The following KANK4 variants were observed in gnomAD, a reference collection of about 807,000 sequenced individuals.
The protein encoded by KANK4 is KN motif and ankyrin repeat domains 4, also known as KN motif and ankyrin repeat domain-containing protein 4.
In KANK4, 50 loss-of-function variants were observed where a neutral mutation model predicts 80.8. The observed-to-expected ratio is 0.62, with a 90% CI of 0.49 to 0.78. The LOEUF is 0.78. Ranked by LOEUF, KANK4 falls within the 30% of genes least tolerant of loss-of-function variation. The pLI, the probability that KANK4 is intolerant of heterozygous loss-of-function variation, is 0.00. For synonymous variants in KANK4, 465 were observed against 506.9 expected, an observed-to-expected ratio of 0.92 and a Z score of 1.11; for missense variants, 1,196 against 1,240.1, an observed-to-expected ratio of 0.96 and a Z score of 0.53.
chr1:62,304,622 C>A (rs1644436767), intron 1 of KANK4, among the ~76,000 whole-genome samples: 1 of 152,120 alleles, frequency 6.6e-6, no homozygotes, highest in African/African-American at 2.4e-5. Context: ...CGCTTGCTCC[C>A]ACCAGTCTCT....
At position 62,236,843 on chromosome 1, in the gene KANK4, G is replaced by T. The variant is rs967096152; in HGVS notation, c.*1434C>A. On this transcript the variant is annotated 3_prime_UTR_variant, in exon 10 of 10. Coordinates refer to ENST00000371153, the MANE Select transcript of KANK4 (RefSeq NM_181712.5). Reference sequence around the variant, plus strand: ...ACTCCCGACCTCAGGTGATCCACCTGCCTCGGCCTCCCAAAGTGCTGGGAT... The same window carrying T: ...ACTCCCGACCTCAGGTGATCCACCTTCCTCGGCCTCCCAAAGTGCTGGGAT... 3 of 152,052 alleles carry T rather than the reference G, an allele frequency of 2.0e-5. No homozygotes were observed. Among genetic ancestry groups the T allele is most frequent in the African/African-American group, 7.2e-5 (3 of 41,400 alleles). 9.4% of individuals were successfully genotyped at this position (152,052 alleles called of 1,614,324 possible). A position where few individuals can be genotyped will look rare whatever the true frequency, so the allele number is the denominator to read the frequency against.
rs746937139 is a variant in KANK4 at position 62,273,196 on chromosome 1, G to T, written c.1900+8C>A. The T allele has an allele frequency of 6.6e-7, 1 of 1,504,830 alleles. No homozygotes were observed. Among genetic ancestry groups the T allele is most frequent in the Non-Finnish European group, 8.9e-7 (1 of 1,125,350 alleles). The allele number at this position is 1,504,830 out of a possible 1,614,324, so 93.2% of individuals were successfully genotyped here. Reference sequence around the variant, plus strand: ...CCTGTCTCAGGCCCCTATATTGATGGTATTTACCCACTGGCGGGGAGGAGG... The same window carrying T: ...CCTGTCTCAGGCCCCTATATTGATGTTATTTACCCACTGGCGGGGAGGAGG... On this transcript the variant is annotated splice_region_variant and intron_variant, in intron 3 of 9. Transcript: ENST00000371153.
At position 62,274,520 on chromosome 1, in the gene KANK4, C is replaced by A. The variant is rs760659966; in HGVS notation, c.584G>T (p.Gly195Val). Reference sequence around the variant, plus strand: ...GGTGCCATCACAGACACTGCCTTCACCCTGAAGGGGAGGGAGGGCAGGAGG... The same window carrying A: ...GGTGCCATCACAGACACTGCCTTCAACCTGAAGGGGAGGGAGGGCAGGAGG... ...PAPPALPPLQGEGSVCDGTFE... is the reference protein window; with the variant it reads ...PAPPALPPLQVEGSVCDGTFE... The change falls in exon 3 of 10, where the codon GGT (glycine) becomes GTT (valine). Residue 195 changes from glycine (G) to valine (V), a missense_variant. Around this residue, in one of 3 missense-constraint regions of KANK4, gnomAD observed 1,154 missense variants for 1,179.6 expected, o/e 0.98. Transcript: ENST00000371153. 1.2e-5 allele frequency: 20 copies of A among 1,614,074 alleles called. No homozygotes were observed. The highest frequency in any genetic ancestry group is 1.3e-5 in the African/African-American group (1 of 74,938).
chr1:62,270,001 A>G (rs1672122036), intron 4 of KANK4, among the ~76,000 whole-genome samples: 1 of 152,182 alleles, frequency 6.6e-6, no homozygotes, highest in East Asian at 1.9e-4. Context: ...CCAGCGTGCA[A>G]CCAAGGCTGA....
intron 9 of KANK4, among the ~76,000 whole-genome samples, chr1:62,243,114 G>A (rs970919428): frequency 2.2e-4 from 33 of 152,072 alleles, no homozygotes; most frequent in African/African-American, 7.2e-4. Context: ...ACTTACTCCA[G>A]TTTCTGCCAT....
rs1672078616 is a variant in KANK4, at chr1:62,268,403, C to A, written c.2115G>T (p.Lys705Asn). ...AEKKCDGPDH[K>N]HVKDAHLTCE... The stretch of plus-strand genomic sequence containing the variant: ...AGGTGAGATGGGCATCTTTGACATG[C>A]TTGTGATCTGGGCCGTCACACTTCT... The change falls in exon 5 of 10, where the codon AAG (lysine) becomes AAT (asparagine). Residue 705 changes from lysine to asparagine, a missense_variant. Coordinates refer to ENST00000371153, the MANE Select transcript of KANK4 (RefSeq NM_181712.5). 1.2e-6 allele frequency: 2 copies of A among 1,614,048 alleles called. No individual in the cohort carries two copies. Among genetic ancestry groups the A allele is most frequent in the African/African-American group, 2.7e-5 (2 of 75,052 alleles).
intron 3 of KANK4, 39 bp from the exon 4 acceptor site, chr1:62,271,628 G>A: frequency 6.9e-7 from 1 of 1,452,674 alleles, no homozygotes; most frequent in Non-Finnish European, 9.7e-7. Flanking sequence ...ATGATCTTGG[G>A]GATGCATGGG....
rs1184771754 is a variant in KANK4 at position 62,268,509 on chromosome 1, G to A, written c.2013-4C>T. On this transcript the variant is annotated splice_polypyrimidine_tract_variant and splice_region_variant and intron_variant, in intron 4 of 9. Coordinates refer to ENST00000371153, the MANE Select transcript of KANK4 (RefSeq NM_181712.5). ...CTCACTTGAGGTGGTCTCATACCTG[G>A]GGTAGAAAACAAAGGTCACTCGTCC... The A allele has an allele frequency of 3.7e-6, 6 of 1,612,136 alleles. No individual in the cohort carries two copies. In the Admixed American group the frequency reaches 1.0e-4, roughly 27 times the overall value.
At position 62,268,503 on chromosome 1, in the gene KANK4, T is replaced by C. The variant is rs1201581300; in HGVS notation, c.2015A>G (p.Tyr672Cys). ...GGTCTCCTCACTTGAGGTGGTCTCATACCTGGGGTAGAAAACAAAGGTCAC... is the reference window on the plus strand; with the variant it reads ...GGTCTCCTCACTTGAGGTGGTCTCACACCTGGGGTAGAAAACAAAGGTCAC... ...NLQFVGVNGG[Y>C]ETTSSEETSG... Residue 672 changes from tyrosine (Y) to cysteine (C), a missense_variant and splice_region_variant, in exon 5 of 10, where the codon TAT becomes TGT. By Grantham distance (194) the Tyr-to-Cys change is radical (BLOSUM62 -2). Coordinates refer to ENST00000371153, the MANE Select transcript of KANK4 (RefSeq NM_181712.5). 6.2e-7 allele frequency: 1 copy of C among 1,613,080 alleles called. No homozygotes were observed.
At chr1:62,312,224 A>G (rs1414293022) in intron 1 of KANK4, among the ~76,000 whole-genome samples, 1 of 152,252 alleles carries the variant, frequency 6.6e-6, no homozygotes, top group African/African-American at 2.4e-5. Context: ...TAACTACTAT[A>G]AATACAAAGC....
chr1:62,263,546 C>T (rs1671945135), intron 6 of KANK4: 3 of 501,064 alleles, frequency 6.0e-6, no homozygotes, highest in South Asian at 5.0e-5. Flanking sequence ...AGCCTAGTAA[C>T]CAGTAACAAG....
rs749730907 is a variant in KANK4 at position 62,247,687 on chromosome 1, A to T, written c.2683-15T>A. On this transcript the variant is annotated splice_polypyrimidine_tract_variant and intron_variant, in intron 8 of 9. Coordinates refer to ENST00000371153, the MANE Select transcript of KANK4 (RefSeq NM_181712.5). ...GTCTGGCCTCCCTGCATGCAGAGCC[A>T]CAGGGATGTGGTGAGGTTGCTGCCA... 27 of 1,610,508 alleles carry T rather than the reference A, an allele frequency of 1.7e-5. No individual in the cohort carries two copies. The East Asian group carries it at 5.8e-4, about 35-fold the overall frequency.
chr1:62,294,938 T>G (rs2149162694), intron 1 of KANK4, among the ~76,000 whole-genome samples: 1 of 152,320 alleles, frequency 6.6e-6, no homozygotes, highest in East Asian at 1.9e-4. Context: ...CATCCGGTAA[T>G]ACAAAGGAAG....
At chr1:62,317,954 C>T (rs1644556011) in intron 1 of KANK4, among the ~76,000 whole-genome samples, 1 of 152,192 alleles carries the variant, frequency 6.6e-6, no homozygotes, top group Non-Finnish European at 1.5e-5. Context: ...CCCCAGGTCA[C>T]ATTATGGTCC....
chr1:62,279,474 T>C (rs573760947), intron 2 of KANK4, among the ~76,000 whole-genome samples: 1 of 152,322 alleles, frequency 6.6e-6, no homozygotes, highest in Admixed American at 6.5e-5. Context: ...CCTGACTCTG[T>C]TCAAAATGAA....
At chr1:62,249,731 C>G (rs547133416) in intron 8 of KANK4, among the ~76,000 whole-genome samples, 5 of 151,644 alleles carry the variant, frequency 3.3e-5, no homozygotes, top group Admixed American at 1.3e-4. Flanking sequence ...TTAGTAGAGA[C>G]GGGGTTTCAC....
At chr1:62,240,661 C>A (rs1671314366) in intron 9 of KANK4, among the ~76,000 whole-genome samples, 1 of 151,972 alleles carries the variant, frequency 6.6e-6, no homozygotes, top group African/African-American at 2.4e-5. Flanking sequence ...AGGAGTGAAA[C>A]TCCATCTCAA....
chr1:62,256,736 C>T (rs577180764), intron 7 of KANK4, among the ~76,000 whole-genome samples: 1 of 152,106 alleles, frequency 6.6e-6, no homozygotes, highest in African/African-American at 2.4e-5. Context: ...AATACCAGGC[C>T]GTCAGTGGAG....
chr1:62,290,166 T>C (rs1219761381), intron 1 of KANK4, among the ~76,000 whole-genome samples: 1 of 152,258 alleles, frequency 6.6e-6, no homozygotes, highest in African/African-American at 2.4e-5. Context: ...AATTCTATTA[T>C]ATAGCCATTT....
Sources: allele counts gnomAD v4.1 joint callset (sites outside exome capture counted in the v4.1 genomes callset), GRCh38; gene constraint gnomAD v4.1.1; regional missense constraint gnomAD v4.1.1; transcripts MANE v1.5; gene names NCBI Gene and HGNC (gene_info 2026-07-23, HGNC 2026-07-21).